Variants in PDE4D observed in about 807,000 individuals in gnomAD.
PDE4D encodes phosphodiesterase 4D.
PDE4D carries 24 observed loss-of-function variants against 87.4 expected under a neutral mutation model. The ratio of observed to expected loss-of-function variants is 0.27; its 90% CI spans 0.20 to 0.39. The LOEUF is 0.39. PDE4D is among the 10% of genes least tolerant of loss of function. The pLI is 1.00. For missense variants in PDE4D, 714 were observed against 1,041.0 expected (o/e 0.69, Z 4.32); for synonymous variants, 384 against 383.2 (o/e 1.00, Z -0.02).
chr5:60,109,220 C>G (rs1212657389), intron 2 of PDE4D, among the ~76,000 whole-genome samples: 1 of 152,196 alleles, frequency 6.6e-6, no homozygotes, highest in Non-Finnish European at 1.5e-5. Flanking sequence ...AGACACTTCT[C>G]AAAAGAAGAC....
At chr5:60,020,995 C>G (rs988637251) in intron 2 of PDE4D, among the ~76,000 whole-genome samples, 2 of 152,186 alleles carry the variant, frequency 1.3e-5, no homozygotes, top group South Asian at 4.1e-4. Flanking sequence ...TTATTCAAAC[C>G]AATCATTTGG....
chr5:59,106,474 C>T (rs1253708444), intron 5 of PDE4D, among the ~76,000 whole-genome samples: 1 of 152,118 alleles, frequency 6.6e-6, no homozygotes, highest in African/African-American at 2.4e-5. Flanking sequence ...AAAAAACCAC[C>T]ATGTTAGGCC....
Position 59,399,820 on chromosome 5 carries a change from C to T in PDE4D, c.456-183852G>A, listed in dbSNP as rs1443529365. 9.5e-3 allele frequency among the ~76,000 whole-genome samples: 1,038 copies of T among 109,452 alleles called. 233 individuals carry two copies. The highest frequency in any genetic ancestry group is 0.039 in the African/African-American group (989 of 25,482). The allele number at this position is 109,452 out of a possible 152,430, so 71.8% of individuals were successfully genotyped here. On this transcript the variant is annotated intron_variant, in intron 1 of 14. Coordinates refer to ENST00000340635, the MANE Select transcript of PDE4D (RefSeq NM_001104631.2). ...AACCTAGAAAATGGGAGAAAATTTT[C>T]GCAACCTACTCATCTGACAAATGGC... is the stretch of plus-strand genomic sequence containing the variant.
At chr5:60,377,430 C>T (rs1299041024) in intron 1 of PDE4D, among the ~76,000 whole-genome samples, 2 of 152,176 alleles carry the variant, frequency 1.3e-5, no homozygotes, top group African/African-American at 4.8e-5. Flanking sequence ...ACTTTAACCA[C>T]TTTAAAGGAA....
At chr5:60,265,096 T>C (rs758998489) in intron 1 of PDE4D, among the ~76,000 whole-genome samples, 3 of 152,144 alleles carry the variant, frequency 2.0e-5, no homozygotes, top group Non-Finnish European at 2.9e-5. Flanking sequence ...CTTTACCCCA[T>C]TGGTGAGGGA....
intron 1 of PDE4D, among the ~76,000 whole-genome samples, chr5:59,383,327 A>T (rs572220993): frequency 2.3e-3 from 351 of 151,990 alleles, no homozygotes; most frequent in African/African-American, 8.0e-3. Flanking sequence ...AAAAATCGCA[A>T]GCCTGCTCCA....
intron 1 of PDE4D, among the ~76,000 whole-genome samples, chr5:59,871,428 G>A (rs1747805429): frequency 6.6e-6 from 1 of 152,158 alleles, no homozygotes; most frequent in African/African-American, 2.4e-5. Context: ...AGAAAACCCA[G>A]CTAAGTCAAG....
chr5:59,020,550 T>C (rs1159803490), intron 6 of PDE4D, among the ~76,000 whole-genome samples: 3 of 152,180 alleles, frequency 2.0e-5, no homozygotes, highest in African/African-American at 7.2e-5. Flanking sequence ...AGAAAGTTTG[T>C]ATTTGCTACA....
At chr5:59,097,237 C>T (rs962594944) in intron 5 of PDE4D, among the ~76,000 whole-genome samples, 4 of 152,160 alleles carry the variant, frequency 2.6e-5, no homozygotes, top group Non-Finnish European at 5.9e-5. Flanking sequence ...GACCAAAAAA[C>T]ACAACTTTAC....
At chr5:58,979,068 T>C (rs1209464975) in intron 11 of PDE4D, among the ~76,000 whole-genome samples, 3 of 152,184 alleles carry the variant, frequency 2.0e-5, no homozygotes, top group Admixed American at 6.5e-5. Context: ...AAAACCCTAA[T>C]TGGCTTATAT....
intron 1 of PDE4D, among the ~76,000 whole-genome samples, chr5:59,667,068 G>A (rs989518051): frequency 1.3e-5 from 2 of 152,112 alleles, no homozygotes; most frequent in Non-Finnish European, 2.9e-5. Flanking sequence ...CAAAAACAGA[G>A]TAATTCTATG....
At chr5:59,874,245 T>A (rs893135762) in intron 1 of PDE4D, among the ~76,000 whole-genome samples, 1 of 152,170 alleles carries the variant, frequency 6.6e-6, no homozygotes, top group African/African-American at 2.4e-5. Flanking sequence ...TCCAGTGAGA[T>A]GTTACTTTTC....
At chr5:60,198,462 A>G (rs889723850) in intron 1 of PDE4D, among the ~76,000 whole-genome samples, 19 of 151,592 alleles carry the variant, frequency 1.3e-4, no homozygotes, top group African/African-American at 4.4e-4. Flanking sequence ...GCCATTTTCT[A>G]ATTTTATGGC....
At chr5:59,208,890 T>C (rs1749443496) in intron 2 of PDE4D, among the ~76,000 whole-genome samples, 1 of 152,102 alleles carries the variant, frequency 6.6e-6, no homozygotes, top group Admixed American at 6.5e-5. Context: ...CCAATAAACT[T>C]CTTGAGATTT....
intron 2 of PDE4D, among the ~76,000 whole-genome samples, chr5:60,174,056 A>C (rs1412414740): frequency 6.6e-6 from 1 of 152,164 alleles, no homozygotes; most frequent in South Asian, 2.1e-4. Context: ...TAATGGATGC[A>C]TCTAGTTTGG....
At chr5:59,854,182 CA>C (rs1745078317) in intron 1 of PDE4D, among the ~76,000 whole-genome samples, 2 of 152,050 alleles carry the variant, frequency 1.3e-5, no homozygotes, top group South Asian at 4.1e-4. Flanking sequence ...AGCGCTTTCT[CA>C]TTTTTAGAGA....
intron 1 of PDE4D, among the ~76,000 whole-genome samples, chr5:59,810,190 C>T (rs1183625956): frequency 1.3e-5 from 2 of 152,142 alleles, no homozygotes; most frequent in African/African-American, 4.8e-5. Context: ...TGGGAAAACC[C>T]GATTCCGTGG....
intron 2 of PDE4D, among the ~76,000 whole-genome samples, chr5:60,132,272 C>T (rs1055715010): frequency 6.6e-6 from 1 of 152,056 alleles, no homozygotes; most frequent in African/African-American, 2.4e-5. Flanking sequence ...AGCATGCTTC[C>T]TAAATTTCAT....
intron 1 of PDE4D, among the ~76,000 whole-genome samples, chr5:60,328,722 T>A (rs1583436652): frequency 1.3e-5 from 2 of 152,310 alleles, no homozygotes; most frequent in East Asian, 3.9e-4. Context: ...GTTCTGTTAT[T>A]TAGTAGTGAA....
Sources: allele counts gnomAD v4.1 joint callset (sites outside exome capture counted in the v4.1 genomes callset), GRCh38; gene constraint gnomAD v4.1.1; transcripts MANE v1.5; gene names NCBI Gene and HGNC (gene_info 2026-07-23, HGNC 2026-07-21).